Variants in RNF180 observed in about 807,000 individuals in gnomAD.
RNF180 encodes the protein E3 ubiquitin-protein ligase RNF180.
In RNF180, 38 loss-of-function variants were observed where a neutral mutation model predicts 59.2. The observed-to-expected ratio is 0.64, with a 90% CI of 0.50 to 0.84. The LOEUF is 0.84. Ranked by LOEUF, RNF180 falls within the 40% of genes least tolerant of loss-of-function variation. RNF180 has a pLI of 0.00. For synonymous variants in RNF180, 262 were observed against 240.3 expected, an observed-to-expected ratio of 1.09 and a Z score of -0.84; for missense variants, 705 against 700.9, an observed-to-expected ratio of 1.01 and a Z score of -0.07.
intron 5 of RNF180, among the ~76,000 whole-genome samples, chr5:64,222,687 T>C (rs988727428): frequency 7.9e-5 from 12 of 152,324 alleles, no homozygotes; most frequent in African/African-American, 2.9e-4. Flanking sequence ...GTGTTAAGCA[T>C]AAATCACATT....
At position 64,200,949 on chromosome 5, in the gene RNF180, A is replaced by G. The variant is rs111981921; in HGVS notation, c.135+7A>G. 1.0e-3 allele frequency: 1,641 copies of G among 1,612,296 alleles called. 3 individuals carry two copies. Among genetic ancestry groups the G allele is most frequent in the Non-Finnish European group, 1.3e-3 (1,511 of 1,178,690 alleles). On this transcript the variant is annotated splice_region_variant and intron_variant, in intron 2 of 7. Coordinates refer to ENST00000389100, the MANE Select transcript of RNF180 (RefSeq NM_001113561.2). Reference sequence around the variant, plus strand: ...TGAGAATCAAGTGATTAAGGTGAGTATTGGTAACTCCAGTCTTCAGTTTCC... The same window carrying G: ...TGAGAATCAAGTGATTAAGGTGAGTGTTGGTAACTCCAGTCTTCAGTTTCC...
At chr5:64,223,845 G>A in intron 5 of RNF180, among the ~76,000 whole-genome samples, 1 of 152,078 alleles carries the variant, frequency 6.6e-6, no homozygotes, top group East Asian at 1.9e-4. Flanking sequence ...ATCGCTTCCT[G>A]GAAATGGAAG....
At chr5:64,249,126 A>G (rs1315536394) in intron 5 of RNF180, among the ~76,000 whole-genome samples, 1 of 152,138 alleles carries the variant, frequency 6.6e-6, no homozygotes, top group Non-Finnish European at 1.5e-5. Context: ...TAATGGAGGG[A>G]TAGCGTTAGG....
intron 4 of RNF180, 40 bp downstream of exon 4, chr5:64,214,557 T>C (rs1308383405): frequency 1.3e-6 from 2 of 1,562,858 alleles, no homozygotes; most frequent in Non-Finnish European, 1.7e-6. Context: ...ATCTGTATTA[T>C]AAATACTGGA....
chr5:64,196,446 A>G (rs1751462080), intron 1 of RNF180, among the ~76,000 whole-genome samples: 2 of 151,964 alleles, frequency 1.3e-5, no homozygotes, highest in Non-Finnish European at 2.9e-5. Flanking sequence ...TTTGTTTTTC[A>G]TTTCTGACTA....
At chr5:64,332,083 G>T (rs1412379783) in intron 7 of RNF180, among the ~76,000 whole-genome samples, 1 of 152,102 alleles carries the variant, frequency 6.6e-6, no homozygotes, top group Non-Finnish European at 1.5e-5. Flanking sequence ...TTGCCATTCT[G>T]CACCTGGCTT....
At chr5:64,336,271 ATTGT>A (rs908689542) in intron 7 of RNF180, among the ~76,000 whole-genome samples, 119 of 152,250 alleles carry the variant, frequency 7.8e-4, no homozygotes, top group African/African-American at 2.8e-3. Flanking sequence ...TATATATTGC[ATTGT>A]TTCTCTTTCA....
chr5:64,274,101 A>G (rs1204573382), intron 5 of RNF180, among the ~76,000 whole-genome samples: 4 of 152,008 alleles, frequency 2.6e-5, no homozygotes, highest in Non-Finnish European at 5.9e-5. Flanking sequence ...GCCCTATACC[A>G]TTCTTAGGAT....
At chr5:64,348,214 G>T (rs1745631176) in intron 7 of RNF180, among the ~76,000 whole-genome samples, 1 of 151,574 alleles carries the variant, frequency 6.6e-6, no homozygotes, top group South Asian at 2.1e-4. Flanking sequence ...TTTTCTAATA[G>T]CAAAGAGAGA....
At chr5:64,193,173 G>A (rs1751271873) in intron 1 of RNF180, among the ~76,000 whole-genome samples, 1 of 151,678 alleles carries the variant, frequency 6.6e-6, no homozygotes. Context: ...TACAGTTTTA[G>A]GTATGTAAGA....
At chr5:64,243,041 A>C (rs914727076) in intron 5 of RNF180, among the ~76,000 whole-genome samples, 1 of 152,158 alleles carries the variant, frequency 6.6e-6, no homozygotes, top group Non-Finnish European at 1.5e-5. Flanking sequence ...GACTTGAGGA[A>C]CAGTGCACTC....
intron 7 of RNF180, among the ~76,000 whole-genome samples, chr5:64,344,981 T>A (rs1228347993): frequency 6.6e-6 from 1 of 151,932 alleles, no homozygotes; most frequent in Non-Finnish European, 1.5e-5. Context: ...AAGCCTTGTG[T>A]TTGGGGGATT....
At chr5:64,350,513 A>T (rs180859403) in intron 7 of RNF180, among the ~76,000 whole-genome samples, 2,900 of 151,842 alleles carry the variant, frequency 0.019, 48 homozygotes, top group Middle Eastern at 0.037. Context: ...TATTGCCTAG[A>T]TTTTCTTCTA....
intron 5 of RNF180, among the ~76,000 whole-genome samples, chr5:64,248,714 TA>T (rs981686811): frequency 2.0e-5 from 3 of 152,210 alleles, no homozygotes; most frequent in African/African-American, 7.2e-5. Context: ...CTCAAGGATC[TA>T]AAACCAGAAA....
intron 1 of RNF180, among the ~76,000 whole-genome samples, chr5:64,177,530 T>C (rs1220406499): frequency 3.7e-5 from 1 of 27,366 alleles, no homozygotes; most frequent in East Asian, 5.0e-4. Flanking sequence ...TTATGCCATA[T>C]ATATATATAT....
At chr5:64,263,925 G>T (rs897706210) in intron 5 of RNF180, among the ~76,000 whole-genome samples, 1 of 152,010 alleles carries the variant, frequency 6.6e-6, no homozygotes, top group African/African-American at 2.4e-5. Context: ...ATTTAACCTT[G>T]TGTTACTAAG....
intron 5 of RNF180, among the ~76,000 whole-genome samples, chr5:64,231,555 G>A (rs765549703): frequency 1.2e-4 from 19 of 152,284 alleles, no homozygotes; most frequent in Non-Finnish European, 2.4e-4. Flanking sequence ...CGGTTAATTC[G>A]TTAGTTATAT....
Position 64,213,960 on chromosome 5 carries a change from C to T in RNF180, c.634C>T (p.Pro212Ser). The change falls in exon 4 of 8, where the codon CCC becomes TCC. Residue 212 changes from proline (P) to serine (S), a missense_variant. Coordinates refer to ENST00000389100, the MANE Select transcript of RNF180 (RefSeq NM_001113561.2). ...ASEPKYQLFVPQLVTGRCATR... is the reference protein window; with the variant it reads ...ASEPKYQLFVSQLVTGRCATR... ...AGAACCAAAATACCAGCTTTTTGTTCCCCAGCTTGTGACTGGCAGATGCGC... is the reference window on the plus strand; with the variant it reads ...AGAACCAAAATACCAGCTTTTTGTTTCCCAGCTTGTGACTGGCAGATGCGC... 1 of 1,614,044 alleles carries T rather than the reference C, an allele frequency of 6.2e-7. No homozygotes were observed. Among genetic ancestry groups the T allele is most frequent in the Non-Finnish European group, 8.5e-7 (1 of 1,179,990 alleles).
intron 7 of RNF180, among the ~76,000 whole-genome samples, chr5:64,363,978 C>A (rs1459023736): frequency 1.3e-5 from 2 of 151,468 alleles, no homozygotes; most frequent in Middle Eastern, 3.2e-3. Flanking sequence ...AGCTTAAGAA[C>A]TTTTAGACTG....
Sources: allele counts gnomAD v4.1 joint callset (sites outside exome capture counted in the v4.1 genomes callset), GRCh38; gene constraint gnomAD v4.1.1; transcripts MANE v1.5; gene names NCBI Gene and HGNC (gene_info 2026-07-23, HGNC 2026-07-21).